SOX6: variants seen among roughly 807,000 people sequenced by gnomAD.
The protein encoded by SOX6 is transcription factor SOX-6.
Under a neutral mutation model 97.8 loss-of-function variants are expected in SOX6, and 11 were observed. The observed-to-expected ratio is 0.11, with a 90% CI of 0.07 to 0.19. SOX6 has a LOEUF of 0.19. Among genes scored for constraint, SOX6 ranks in the 10% least tolerant of loss-of-function variants. SOX6 has a pLI of 1.00. For synonymous variants in SOX6, 360 were observed against 371.4 expected (o/e 0.97, Z 0.35); for missense variants, 810 against 1,039.5 (o/e 0.78, Z 3.04).
At chr11:16,542,885 G>A (rs896075485) in intron 4 of SOX6, among the ~76,000 whole-genome samples, 5 of 152,010 alleles carry the variant, frequency 3.3e-5, no homozygotes, top group African/African-American at 1.2e-4. Context: ...TTCTTTTTCA[G>A]AATCAGGGAC....
At chr11:16,026,898 G>A (rs1038224895) in intron 12 of SOX6, among the ~76,000 whole-genome samples, 8 of 152,048 alleles carry the variant, frequency 5.3e-5, no homozygotes, top group Admixed American at 2.6e-4. Flanking sequence ...ATTTAGAAAC[G>A]CTTTTCAAAA....
At chr11:16,702,138 A>G (rs1848099622) in intron 3 of SOX6, among the ~76,000 whole-genome samples, 2 of 152,196 alleles carry the variant, frequency 1.3e-5, no homozygotes, top group Admixed American at 6.5e-5. Flanking sequence ...TTATTTCTGT[A>G]TCTCTGGCTG....
intron 15 of SOX6, among the ~76,000 whole-genome samples, chr11:15,978,442 T>C (rs940391191): frequency 4.6e-5 from 7 of 151,824 alleles, no homozygotes; most frequent in African/African-American, 1.7e-4. Flanking sequence ...GCTGATCATT[T>C]TCTCCTTGCT....
At chr11:15,996,410 C>T (rs1211088428) in intron 13 of SOX6, among the ~76,000 whole-genome samples, 1 of 152,104 alleles carries the variant, frequency 6.6e-6, no homozygotes, top group Admixed American at 6.5e-5. Context: ...GGGAGGATCT[C>T]TTGAGGTCAG....
chr11:16,669,946 C>T (rs1847835412), intron 3 of SOX6, among the ~76,000 whole-genome samples: 1 of 152,114 alleles, frequency 6.6e-6, no homozygotes, highest in Non-Finnish European at 1.5e-5. Flanking sequence ...CCTAACAACC[C>T]TCAAACTAGG....
chr11:16,239,282 G>T lies in SOX6; in HGVS notation c.446-4611C>A, dbSNP rs549831062. On this transcript the variant is annotated intron_variant, in intron 3 of 15. Coordinates refer to ENST00000683767, the MANE Select transcript of SOX6 (RefSeq NM_001367873.1). ...CTATAACGTACAAAGCACACTCCCT[G>T]ACGACTGCTCATGCTCTTCTCTCTC... 9.2e-5 allele frequency among the ~76,000 whole-genome samples: 14 copies of T among 152,022 alleles called. No individual in the cohort carries two copies. In the South Asian group the frequency reaches 2.9e-3, roughly 32 times the overall value.
chr11:16,622,045 A>C (rs1848551479), intron 3 of SOX6, among the ~76,000 whole-genome samples: 1 of 152,174 alleles, frequency 6.6e-6, no homozygotes, highest in African/African-American at 2.4e-5. Context: ...TTTTATTTTT[A>C]ATTGATTTTA....
At chr11:16,497,994 C>G (rs1001291499) in intron 4 of SOX6, among the ~76,000 whole-genome samples, 42 of 152,116 alleles carry the variant, frequency 2.8e-4, no homozygotes, top group Non-Finnish European at 5.3e-4. Flanking sequence ...TCGAGAAGAG[C>G]AACTCCAAGA....
chr11:16,168,647 C>G (rs575802971), intron 6 of SOX6, among the ~76,000 whole-genome samples: 1 of 152,078 alleles, frequency 6.6e-6, no homozygotes, highest in Non-Finnish European at 1.5e-5. Context: ...TTTTTCTTCT[C>G]CAAGTCACAT....
At chr11:16,697,977 T>G (rs1848066412) in intron 3 of SOX6, among the ~76,000 whole-genome samples, 1 of 152,162 alleles carries the variant, frequency 6.6e-6, no homozygotes, top group South Asian at 2.1e-4. Context: ...CAGAGTAGAT[T>G]TAGCATAATT....
chr11:16,484,952 G>A (rs149920959), intron 4 of SOX6, among the ~76,000 whole-genome samples: 1 of 152,204 alleles, frequency 6.6e-6, no homozygotes, highest in African/African-American at 2.4e-5. Context: ...TGGACCAGGA[G>A]TTTACATTTT....
intron 1 of SOX6, among the ~76,000 whole-genome samples, chr11:16,409,055 T>C (rs978130200): frequency 1.3e-5 from 2 of 152,132 alleles, no homozygotes; most frequent in African/African-American, 4.8e-5. Flanking sequence ...CAAGAGGCTT[T>C]TTCTCTGTTC....
intron 12 of SOX6, among the ~76,000 whole-genome samples, chr11:16,032,258 G>A (rs1465737462): frequency 2.6e-5 from 4 of 152,058 alleles, no homozygotes; most frequent in Middle Eastern, 3.2e-3. Flanking sequence ...AGCAGAGCTG[G>A]TATTTGAACC....
Position 16,105,017 on chromosome 11 carries a change from G to A in SOX6, c.898+6786C>T, listed in dbSNP as rs1849044224. On this transcript the variant is annotated intron_variant, in intron 7 of 15. Coordinates refer to ENST00000683767, the MANE Select transcript of SOX6 (RefSeq NM_001367873.1). Reference sequence around the variant, plus strand: ...AACTCTTACAAAAAAAAAATGAAGGGGAGGGAGTACTTCTAATTCATTTTA... The same window carrying A: ...AACTCTTACAAAAAAAAAATGAAGGAGAGGGAGTACTTCTAATTCATTTTA... Among the ~76,000 whole-genome samples the A allele has an allele frequency of 2.0e-5, 3 of 151,854 alleles. No homozygotes were observed. In the South Asian group the frequency reaches 6.2e-4, roughly 31 times the overall value.
chr11:16,348,828 G>A (rs941169899), intron 1 of SOX6, among the ~76,000 whole-genome samples: 3 of 152,024 alleles, frequency 2.0e-5, no homozygotes, highest in African/African-American at 4.8e-5. Context: ...AGAGAGTTAC[G>A]CTTCGTTTTC....
At chr11:16,700,949 T>A (rs1434516590) in intron 3 of SOX6, among the ~76,000 whole-genome samples, 2 of 152,194 alleles carry the variant, frequency 1.3e-5, no homozygotes, top group African/African-American at 4.8e-5. Context: ...AATCCCTAGG[T>A]CCTAGTTTAA....
At chr11:16,133,667 T>G (rs1214546959) in intron 6 of SOX6, among the ~76,000 whole-genome samples, 5 of 112,362 alleles carry the variant, frequency 4.4e-5, no homozygotes, top group African/African-American at 1.4e-4. Flanking sequence ...ATACAGGTTT[T>G]GTTTTGTTTT....
At position 16,635,658 on chromosome 11, in the gene SOX6, CA is replaced by C. The variant is rs1410807365; in HGVS notation, n.430-23399del. On this transcript the variant is annotated intron_variant and non_coding_transcript_variant, in intron 3 of 5. Coordinates refer to the SOX6 transcript ENST00000524520. ...TAATCACCAAGACAATGCAGAAAAT[CA>C]GACACTTCACAGCTGCCCCTCCCAT... is the stretch of plus-strand genomic sequence containing the variant. Among the ~76,000 whole-genome samples the C allele has an allele frequency of 5.3e-5, 8 of 152,250 alleles. No individual in the cohort carries two copies. In the East Asian group the frequency reaches 9.7e-4, roughly 18 times the overall value.
rs536653626 is a variant in SOX6 at position 16,119,214 on chromosome 11, T to C, written c.778-7291A>G. Among the ~76,000 whole-genome samples the C allele has an allele frequency of 9.8e-5, 15 of 152,322 alleles. No homozygotes were observed. In the South Asian group the frequency reaches 2.9e-3, roughly 29 times the overall value. ...GGAAAAGCCTTCAAGGTCAGAAATG[T>C]GTCTTCTTATTGCCAAAAAGTGCAT... On this transcript the variant is annotated intron_variant, in intron 6 of 15. Transcript: ENST00000683767.
Sources: allele counts gnomAD v4.1 joint callset (sites outside exome capture counted in the v4.1 genomes callset), GRCh38; gene constraint gnomAD v4.1.1; transcripts MANE v1.5; gene names NCBI Gene and HGNC (gene_info 2026-07-23, HGNC 2026-07-21).